CRKL: variants seen among roughly 807,000 people sequenced by gnomAD.
CRKL encodes the protein CRK like proto-oncogene, adaptor protein.
A neutral mutation model predicts 23.0 loss-of-function variants in CRKL; 3 were observed. The observed-to-expected ratio is 0.13, with a 90% confidence interval of 0.06 to 0.34. CRKL has a LOEUF of 0.34. Ranked by LOEUF, CRKL falls within the 10% of genes least tolerant of loss-of-function variation. The pLI, the probability that CRKL is intolerant of heterozygous loss-of-function variation, is 1.00. For synonymous variants in CRKL, 188 were observed against 160.7 expected, an observed-to-expected ratio of 1.17 and a Z score of -1.28; for missense variants, 256 against 394.5, an observed-to-expected ratio of 0.65 and a Z score of 2.97.
rs967015748 is a variant in CRKL, at chr22:20,951,898, A to C, written c.*2053A>C. 2 of 222,446 alleles carry C rather than the reference A, an allele frequency of 9.0e-6. No individual in the cohort carries two copies. Among genetic ancestry groups the C allele is most frequent in the Non-Finnish European group, 1.8e-5 (2 of 111,352 alleles). 13.8% of individuals were successfully genotyped at this position (222,446 alleles called of 1,614,324 possible). On this transcript the variant is annotated 3_prime_UTR_variant, in exon 3 of 3. Transcript: ENST00000354336. ...GATTAGCCCTTCCTTGCCAGTGAGAACGGTGACCGCCTCCTGCTCTGCACG... is the reference window on the plus strand; with the variant it reads ...GATTAGCCCTTCCTTGCCAGTGAGACCGGTGACCGCCTCCTGCTCTGCACG...
intron 1 of CRKL, among the ~76,000 whole-genome samples, chr22:20,921,745 T>TG (rs899614703): frequency 2.6e-5 from 4 of 151,728 alleles, no homozygotes; most frequent in Non-Finnish European, 5.9e-5. Flanking sequence ...GACGGAGTCT[T>TG]GCTCTGTCGC....
intron 2 of CRKL, among the ~76,000 whole-genome samples, chr22:20,945,678 A>G (rs1922032064): frequency 6.6e-6 from 1 of 152,206 alleles, no homozygotes; most frequent in Admixed American, 6.5e-5. Flanking sequence ...GCACACAGAC[A>G]GGGAGCCTAG....
At chr22:20,947,697 T>G (rs1244174208) in intron 2 of CRKL, among the ~76,000 whole-genome samples, 924 of 73,888 alleles carry the variant, frequency 0.013, 29 homozygotes, top group Admixed American at 0.12. Flanking sequence ...TTTTTTTTTT[T>G]GAGACAGGGT....
At chr22:20,937,753 T>G (rs1357126261) in intron 2 of CRKL, among the ~76,000 whole-genome samples, 2 of 151,914 alleles carry the variant, frequency 1.3e-5, no homozygotes, top group African/African-American at 4.8e-5. Flanking sequence ...GCCAAGGGTT[T>G]GTTTGGTGCT....
chr22:20,927,192 A>ATTTTTTTTTTTT lies in CRKL; in HGVS notation c.312-6580_312-6569dup, dbSNP rs532930393. On this transcript the variant is annotated intron_variant, in intron 1 of 2. Coordinates refer to ENST00000354336, the MANE Select transcript of CRKL (RefSeq NM_005207.4). The stretch of plus-strand genomic sequence containing the variant: ...AGTACTTAGCTCATCTTGGAATTGA[A>ATTTTTTTTTTTT]TTTTTTTTTTTTTTTTTTGAGACAG... Among the ~76,000 whole-genome samples the ATTTTTTTTTTTT allele has an allele frequency of 2.7e-3, 221 of 81,960 alleles. 17 individuals are homozygous for ATTTTTTTTTTTT. The highest frequency in any genetic ancestry group is 8.8e-3 in the South Asian group (19 of 2,158). 53.8% of individuals were successfully genotyped at this position (81,960 alleles called of 152,430 possible).
intron 1 of CRKL, among the ~76,000 whole-genome samples, chr22:20,932,388 C>T (rs62238491): frequency 0.022 from 3,303 of 152,198 alleles, 62 homozygotes; most frequent in Non-Finnish European, 0.034. Flanking sequence ...TGAGCCACCA[C>T]GCCTGGTGGA....
intron 2 of CRKL, among the ~76,000 whole-genome samples, chr22:20,938,178 G>A (rs1921732462): frequency 6.6e-6 from 1 of 152,116 alleles, no homozygotes; most frequent in Non-Finnish European, 1.5e-5. Context: ...TTGAAGCTTC[G>A]TTATTCCCCT....
rs1922260404 is a variant in CRKL at position 20,951,192 on chromosome 22, C to G, written c.*1347C>G. ...TCAACTCCACTCACTGAAGCCCAGA[C>G]CTCCGTGCCCAGGCCCAATCTCGTC... On this transcript the variant is annotated 3_prime_UTR_variant, in exon 3 of 3. Coordinates refer to ENST00000354336, the MANE Select transcript of CRKL (RefSeq NM_005207.4). 4.3e-6 allele frequency: 1 copy of G among 232,484 alleles called. No individual in the cohort carries two copies. The allele number at this position is 232,484 out of a possible 1,614,324, so 14.4% of individuals were successfully genotyped here.
Position 20,933,767 on chromosome 22 carries a change from TTC to T in CRKL, c.312-6_312-5del, listed in dbSNP as rs1921551092. On this transcript the variant is annotated splice_polypyrimidine_tract_variant and intron_variant, in intron 1 of 2. Transcript: ENST00000354336. Reference sequence around the variant, plus strand: ...GATTTTTCTCTTAGAGTAATTTTCTTTCTCTCTTAAGGTATCCAAGCCCACCA... The same window carrying T: ...GATTTTTCTCTTAGAGTAATTTTCTTTCTCTTAAGGTATCCAAGCCCACCA... 1.9e-6 allele frequency: 3 copies of T among 1,584,656 alleles called. No individual in the cohort carries two copies. In the Admixed American group the frequency reaches 5.4e-5, roughly 29 times the overall value.
chr22:20,950,699 C>G lies in CRKL; in HGVS notation c.*854C>G. The G allele has an allele frequency of 4.5e-6, 1 of 220,142 alleles. No homozygotes were observed. Among genetic ancestry groups the G allele is most frequent in the East Asian group, 6.8e-5 (1 of 14,782 alleles). The allele number at this position is 220,142 out of a possible 1,614,324, so 13.6% of individuals were successfully genotyped here. On this transcript the variant is annotated 3_prime_UTR_variant, in exon 3 of 3. Transcript: ENST00000354336. Reference sequence around the variant, plus strand: ...AACGTGCTGGGATTACAGCCGTGAGCCGCCGCGCCTGGCCTAGACTTGTGT... The same window carrying G: ...AACGTGCTGGGATTACAGCCGTGAGGCGCCGCGCCTGGCCTAGACTTGTGT...
At chr22:20,935,034 T>A (rs143461010) in intron 2 of CRKL, among the ~76,000 whole-genome samples, 4,519 of 152,126 alleles carry the variant, frequency 0.03, 87 homozygotes, top group Middle Eastern at 0.065. Flanking sequence ...CAGGATGGTG[T>A]CGATCTCCTG....
At chr22:20,924,569 A>C (rs1921124304) in intron 1 of CRKL, among the ~76,000 whole-genome samples, 1 of 152,116 alleles carries the variant, frequency 6.6e-6, no homozygotes, top group African/African-American at 2.4e-5. Context: ...AAATACAAGA[A>C]CATGGCCAGG....
chr22:20,923,182 C>T (rs150183797), intron 1 of CRKL, among the ~76,000 whole-genome samples: 307 of 152,106 alleles, frequency 2.0e-3, no homozygotes, highest in African/African-American at 6.8e-3. Flanking sequence ...CTGTACTCAG[C>T]AGACTTTGAG....
intron 1 of CRKL, among the ~76,000 whole-genome samples, chr22:20,922,531 T>C (rs1921030561): frequency 6.6e-6 from 1 of 152,066 alleles, no homozygotes; most frequent in Non-Finnish European, 1.5e-5. Flanking sequence ...GAGATGCCTA[T>C]TTTGGAGATA....
intron 1 of CRKL, among the ~76,000 whole-genome samples, chr22:20,928,129 C>T (rs1393450964): frequency 1.3e-5 from 2 of 152,108 alleles, no homozygotes; most frequent in East Asian, 3.9e-4. Flanking sequence ...TACACTCCAG[C>T]CTGGGCAATA....
intron 1 of CRKL, among the ~76,000 whole-genome samples, chr22:20,921,904 T>C (rs1195617504): frequency 6.6e-6 from 1 of 151,550 alleles, no homozygotes; most frequent in African/African-American, 2.4e-5. Flanking sequence ...GAGACGGGGT[T>C]TCACCATGTT....
intron 2 of CRKL, among the ~76,000 whole-genome samples, chr22:20,947,148 A>G (rs1185126702): frequency 6.2e-5 from 5 of 80,772 alleles, no homozygotes; most frequent in Admixed American, 1.4e-4. Context: ...CCCTCTGTCT[A>G]AGCAGTAGCT....
rs1005206157 is a variant in CRKL, at chr22:20,928,971, A to G, written c.312-4808A>G. ...AAGATGTTTTGTGTATGGTTTATAC[A>G]TGTAGAAACTGAGAACGCTTTTAAC... On this transcript the variant is annotated intron_variant, in intron 1 of 2. Transcript: ENST00000354336. Among the ~76,000 whole-genome samples, 3 of 152,150 alleles carry G rather than the reference A, an allele frequency of 2.0e-5. 1 individual carries two copies. The highest frequency in any genetic ancestry group is 4.4e-5 in the Non-Finnish European group (3 of 68,028).
intron 1 of CRKL, among the ~76,000 whole-genome samples, chr22:20,930,834 C>G (rs977147818): frequency 7.9e-5 from 12 of 151,946 alleles, no homozygotes; most frequent in East Asian, 1.9e-4. Context: ...GCGTGTGCCA[C>G]CACACCTGGC....
Sources: allele counts gnomAD v4.1 joint callset (sites outside exome capture counted in the v4.1 genomes callset), GRCh38; gene constraint gnomAD v4.1.1; transcripts MANE v1.5; gene names NCBI Gene and HGNC (gene_info 2026-07-23, HGNC 2026-07-21).